Variants in UTS2B observed in about 807,000 individuals in gnomAD.
The protein encoded by UTS2B is urotensin 2B.
A neutral mutation model predicts 19.2 loss-of-function variants in UTS2B; 21 were observed. The observed-to-expected ratio is 1.09, with a 90% confidence interval of 0.78 to 1.58. The LOEUF is 1.58. Among genes scored for constraint, UTS2B ranks in the 40% most tolerant of loss-of-function variants. The probability of loss-of-function intolerance (pLI) is 0.00; values close to 1 mark genes in which losing one functional copy is unlikely to be tolerated. For synonymous variants in UTS2B, 57 were observed against 50.2 expected (o/e 1.14, Z -0.58); for missense variants, 138 against 130.3 (o/e 1.06, Z -0.29).
intron 4 of UTS2B, among the ~76,000 whole-genome samples, chr3:191,299,416 C>T (rs1584934): frequency 0.34 from 52,238 of 152,172 alleles, 9,415 homozygotes; most frequent in East Asian, 0.5. Context: ...AGCTCAGTTG[C>T]TTCAGCTCCA....
At chr3:191,333,358 T>C (rs917450883), upstream of UTS2B, among the ~76,000 whole-genome samples, 1 of 152,158 alleles carries the variant, frequency 6.6e-6, no homozygotes, top group Non-Finnish European at 1.5e-5. Context: ...CATCCAGACC[T>C]TCAAGGGGGA....
At chr3:191,329,650 G>C in intron 1 of UTS2B, 1 of 1,603,062 alleles carries the variant, frequency 6.2e-7, no homozygotes, top group Non-Finnish European at 8.5e-7. Context: ...CCGCGTTAAA[G>C]GGGCAACCGG....
chr3:191,314,696 A>G (rs1035702089), intron 3 of UTS2B, among the ~76,000 whole-genome samples: 3 of 152,110 alleles, frequency 2.0e-5, no homozygotes, highest in Non-Finnish European at 4.4e-5. Context: ...TTTCAGGCCC[A>G]CTCCACAACC....
chr3:191,340,324 A>G, the UTS2B span, among the ~76,000 whole-genome samples: 1 of 152,236 alleles, frequency 6.6e-6, no homozygotes, highest in South Asian at 2.1e-4. Context: ...TAAAGTCCTT[A>G]TATTTCTGTA....
chr3:191,268,480 T>C (rs1576909937), intron 8 of UTS2B, 39 bp from the exon 9 acceptor site: 1 of 1,455,720 alleles, frequency 6.9e-7, no homozygotes, highest in East Asian at 2.4e-5. Context: ...ATTAGAAGTA[T>C]ATTTGATAAA....
chr3:191,269,729 G>T (rs761659139), intron 8 of UTS2B, among the ~76,000 whole-genome samples: 42 of 152,130 alleles, frequency 2.8e-4, no homozygotes, highest in Non-Finnish European at 5.6e-4. Context: ...TGTCTTTTCA[G>T]ATGTCTTTGA....
intron 2 of UTS2B, among the ~76,000 whole-genome samples, chr3:191,318,329 C>T (rs563418937): frequency 6.6e-6 from 1 of 152,294 alleles, no homozygotes; most frequent in East Asian, 1.9e-4. Context: ...TTGAGGAAAT[C>T]TCATAAATCT....
intron 8 of UTS2B, among the ~76,000 whole-genome samples, chr3:191,270,866 T>C (rs1716073043): frequency 6.6e-6 from 1 of 152,056 alleles, no homozygotes; most frequent in Non-Finnish European, 1.5e-5. Flanking sequence ...GTATTTGTTT[T>C]AGGTGAGTTT....
intron 5 of UTS2B, among the ~76,000 whole-genome samples, chr3:191,279,621 T>C (rs1167758894): frequency 6.6e-6 from 1 of 152,016 alleles, no homozygotes; most frequent in Non-Finnish European, 1.5e-5. Flanking sequence ...AATCCATTCC[T>C]CTGCATAGTT....
intron 2 of UTS2B, among the ~76,000 whole-genome samples, chr3:191,325,082 A>C (rs1378168199): frequency 6.6e-6 from 1 of 152,146 alleles, no homozygotes; most frequent in Non-Finnish European, 1.5e-5. Context: ...AAGGAAGTCA[A>C]GGAAAGAGAG....
chr3:191,284,835 TC>T (rs1484558482), intron 4 of UTS2B, among the ~76,000 whole-genome samples: 1 of 152,040 alleles, frequency 6.6e-6, no homozygotes. Context: ...GAAAAATAAG[TC>T]CCTAGCTGTC....
chr3:191,331,671 A>AT (rs1217443369), upstream of UTS2B, among the ~76,000 whole-genome samples: 1 of 152,190 alleles, frequency 6.6e-6, no homozygotes, highest in Non-Finnish European at 1.5e-5. Flanking sequence ...GAAGTGATGT[A>AT]TTATACTAGG....
At chr3:191,327,028 G>A (rs1576939852) in intron 2 of UTS2B, among the ~76,000 whole-genome samples, 1 of 152,262 alleles carries the variant, frequency 6.6e-6, no homozygotes, top group East Asian at 1.9e-4. Flanking sequence ...CAGAAATGTG[G>A]ATATTTTTAT....
At chr3:191,311,518 T>C (rs866057716) in intron 3 of UTS2B, among the ~76,000 whole-genome samples, 11 of 152,350 alleles carry the variant, frequency 7.2e-5, no homozygotes, top group Middle Eastern at 3.4e-3. Flanking sequence ...GGTTCTATGA[T>C]TGACACTCCT....
chr3:191,272,611 A>G (rs1716120270), intron 8 of UTS2B, among the ~76,000 whole-genome samples: 1 of 152,218 alleles, frequency 6.6e-6, no homozygotes, highest in African/African-American at 2.4e-5. Flanking sequence ...CTGTAATCCC[A>G]GCACTTTGGG....
intron 4 of UTS2B, among the ~76,000 whole-genome samples, chr3:191,290,155 G>A (rs1032176887): frequency 6.6e-6 from 1 of 152,148 alleles, no homozygotes; most frequent in Non-Finnish European, 1.5e-5. Flanking sequence ...TTGGGGAAAA[G>A]TCTGCAAAGA....
At chr3:191,291,655 C>T (rs6801672) in intron 4 of UTS2B, among the ~76,000 whole-genome samples, 104,988 of 151,758 alleles carry the variant, frequency 0.69, 36,657 homozygotes, top group African/African-American at 0.8. Context: ...GGTTTCACCA[C>T]GTTCACCAAG....
chr3:191,296,454 G>A (rs955587296), intron 4 of UTS2B, among the ~76,000 whole-genome samples: 7 of 152,098 alleles, frequency 4.6e-5, no homozygotes, highest in Non-Finnish European at 8.8e-5. Flanking sequence ...CTATGTTTTT[G>A]TACAGTGTTT....
intron 8 of UTS2B, among the ~76,000 whole-genome samples, chr3:191,272,210 T>G (rs1283983482): frequency 1.3e-5 from 2 of 152,218 alleles, no homozygotes; most frequent in African/African-American, 4.8e-5. Flanking sequence ...GCTAAGCATA[T>G]CCCAATATAC....
Sources: allele counts gnomAD v4.1 joint callset (sites outside exome capture counted in the v4.1 genomes callset), GRCh38; gene constraint gnomAD v4.1.1; transcripts MANE v1.5; gene names NCBI Gene and HGNC (gene_info 2026-07-23, HGNC 2026-07-21).